Variants in OLFML2A observed in about 807,000 individuals in gnomAD.
The protein encoded by OLFML2A is olfactomedin-like protein 2A.
OLFML2A carries 47 observed loss-of-function variants against 60.9 expected under a neutral mutation model. The observed-to-expected ratio is 0.77, with a 90% CI of 0.61 to 0.98. The LOEUF (loss-of-function observed/expected upper bound fraction) is 0.98. OLFML2A is among the 50% of genes least tolerant of loss of function. The pLI is 0.00. For synonymous variants in OLFML2A, 372 were observed against 375.0 expected (o/e 0.99, Z 0.09); for missense variants, 922 against 879.8 (o/e 1.05, Z -0.61).
chr9:124,782,103 G>T (rs570475781), intron 1 of OLFML2A, among the ~76,000 whole-genome samples: 1 of 152,210 alleles, frequency 6.6e-6, no homozygotes, highest in South Asian at 2.1e-4. Flanking sequence ...GGTGGGCTGG[G>T]CCTAGTAGGA....
rs1384402175 is a variant in OLFML2A at position 124,811,829 on chromosome 9, C to A, written c.*1417C>A. Reference sequence around the variant, plus strand: ...ATTTTTAGAGCTGGAAAGAAATTTTCTAGCCCAACTCCCTGTTTCATGAAA... The same window carrying A: ...ATTTTTAGAGCTGGAAAGAAATTTTATAGCCCAACTCCCTGTTTCATGAAA... On this transcript the variant is annotated 3_prime_UTR_variant, in exon 8 of 8. Coordinates refer to ENST00000373580, the MANE Select transcript of OLFML2A (RefSeq NM_182487.4). The A allele has an allele frequency of 6.6e-6, 1 of 152,246 alleles. No homozygotes were observed. The highest frequency in any genetic ancestry group is 2.4e-5 in the African/African-American group (1 of 41,460). 9.4% of individuals were successfully genotyped at this position (152,246 alleles called of 1,614,324 possible).
chr9:124,800,844 A>G, intron 4 of OLFML2A: 2 of 1,421,324 alleles, frequency 1.4e-6, no homozygotes, highest in South Asian at 1.4e-5. Context: ...TAGGAAGTGA[A>G]AATAACAAAA....
At chr9:124,793,537 G>A (rs530786617) in intron 2 of OLFML2A, among the ~76,000 whole-genome samples, 4 of 152,298 alleles carry the variant, frequency 2.6e-5, no homozygotes, top group Middle Eastern at 3.4e-3. Flanking sequence ...GGAAAGAGAC[G>A]TGGATTTATA....
Position 124,810,369 on chromosome 9 carries a change from A to C in OLFML2A, c.1916A>C (p.Asp639Ala), listed in dbSNP as rs201325396. The C allele has an allele frequency of 7.5e-6, 12 of 1,601,456 alleles. No homozygotes were observed. Among genetic ancestry groups the C allele is most frequent in the Non-Finnish European group, 1.0e-5 (12 of 1,179,718 alleles). Reference sequence around the variant, plus strand: ...AAGGAGCGGGTGCTGTACGCCTGGGACAATGGCCACCAGCTCACCTACACC... The same window carrying C: ...AAGGAGCGGGTGCTGTACGCCTGGGCCAATGGCCACCAGCTCACCTACACC... The part of the protein sequence containing the change: ...NPKERVLYAW[D>A]NGHQLTYTLH... Residue 639 changes from aspartate to alanine, a missense_variant, in exon 8 of 8, where the codon GAC becomes GCC. Coordinates refer to ENST00000373580, the MANE Select transcript of OLFML2A (RefSeq NM_182487.4).
In OLFML2A at chr9:124,810,717, C is replaced by T. The variant is rs940387795; in HGVS notation, c.*305C>T. On this transcript the variant is annotated 3_prime_UTR_variant, in exon 8 of 8. Coordinates refer to ENST00000373580, the MANE Select transcript of OLFML2A (RefSeq NM_182487.4). Reference sequence around the variant, plus strand: ...GAGACAGGCTCAGAGAGGCACCGTCCCTTGCCTAACACCTCAGTTGTGATC... The same window carrying T: ...GAGACAGGCTCAGAGAGGCACCGTCTCTTGCCTAACACCTCAGTTGTGATC... 3.2e-5 allele frequency: 13 copies of T among 410,504 alleles called. No homozygotes were observed. The highest frequency in any genetic ancestry group is 4.9e-5 in the Non-Finnish European group (11 of 225,504). 25.4% of individuals were successfully genotyped at this position (410,504 alleles called of 1,614,324 possible).
At position 124,811,374 on chromosome 9, in the gene OLFML2A, T is replaced by A. The variant is rs1402461037; in HGVS notation, c.*962T>A. 1 of 152,844 alleles carries A rather than the reference T, an allele frequency of 6.5e-6. No homozygotes were observed. The highest frequency in any genetic ancestry group is 1.5e-5 in the Non-Finnish European group (1 of 68,174). The allele number at this position is 152,844 out of a possible 1,614,324, so 9.5% of individuals were successfully genotyped here. Reference sequence around the variant, plus strand: ...TGGAGTCCGCCTTGTCCTTTTTCTCTGGGCTTTCAAACCCACAACCTTTAC... The same window carrying A: ...TGGAGTCCGCCTTGTCCTTTTTCTCAGGGCTTTCAAACCCACAACCTTTAC... On this transcript the variant is annotated 3_prime_UTR_variant, in exon 8 of 8. Coordinates refer to ENST00000373580, the MANE Select transcript of OLFML2A (RefSeq NM_182487.4).
intron 1 of OLFML2A, among the ~76,000 whole-genome samples, chr9:124,780,072 G>C (rs1035011168): frequency 3.3e-5 from 5 of 152,332 alleles, no homozygotes; most frequent in African/African-American, 7.2e-5. Context: ...TTATAACTAG[G>C]TCTCTCCTAA....
chr9:124,804,100 C>CA lies in OLFML2A; in HGVS notation c.926_927insA (p.Leu310ProfsTer30). On this transcript the variant is annotated frameshift_variant, in exon 6 of 8. Transcript: ENST00000373580. LOFTEE classifies it high-confidence loss of function. The stretch of plus-strand genomic sequence containing the variant: ...AGGGGTCTTCTCTCTGCAGACAACA[C>CA]CCTCCAGGGCACTTCCTGGCTGGAG... The CA allele has an allele frequency of 6.2e-7, 1 of 1,614,024 alleles. No individual in the cohort carries two copies.
intron 7 of OLFML2A, among the ~76,000 whole-genome samples, chr9:124,809,401 G>T (rs1841958468): frequency 6.6e-6 from 1 of 151,984 alleles, no homozygotes; most frequent in African/African-American, 2.4e-5. Flanking sequence ...GTCAGTGAAG[G>T]TTTCCTAGAG....
At chr9:124,808,175 A>C (rs1588890901) in intron 7 of OLFML2A, among the ~76,000 whole-genome samples, 1 of 152,164 alleles carries the variant, frequency 6.6e-6, no homozygotes, top group African/African-American at 2.4e-5. Context: ...GTGTGCTAGC[A>C]CCCTGCCAGG....
At chr9:124,809,001 TAAA>T (rs112598711) in intron 7 of OLFML2A, among the ~76,000 whole-genome samples, 5,080 of 140,158 alleles carry the variant, frequency 0.036, 290 homozygotes, top group African/African-American at 0.13. Flanking sequence ...ACTAAAAAAT[TAAA>T]AAAAAAAAAA....
Position 124,811,828 on chromosome 9 carries a change from T to G in OLFML2A, c.*1416T>G, listed in dbSNP as rs1156433482. On this transcript the variant is annotated 3_prime_UTR_variant, in exon 8 of 8. Transcript: ENST00000373580. ...TATTTTTAGAGCTGGAAAGAAATTTTCTAGCCCAACTCCCTGTTTCATGAA... is the reference window on the plus strand; with the variant it reads ...TATTTTTAGAGCTGGAAAGAAATTTGCTAGCCCAACTCCCTGTTTCATGAA... 1.3e-5 allele frequency: 2 copies of G among 152,264 alleles called. No individual in the cohort carries two copies. Among genetic ancestry groups the G allele is most frequent in the Non-Finnish European group, 2.9e-5 (2 of 68,060 alleles). The allele number at this position is 152,264 out of a possible 1,614,324, so 9.4% of individuals were successfully genotyped here.
At position 124,812,754 on chromosome 9, in the gene OLFML2A, G is replaced by T. The variant is rs1842045128; in HGVS notation, c.*2342G>T. ...CCCAACCATGTGAGAAGAAGGAGAA[G>T]GCCCCCCTTTCTTCATTAATCTGAA... On this transcript the variant is annotated 3_prime_UTR_variant, in exon 8 of 8. Coordinates refer to ENST00000373580, the MANE Select transcript of OLFML2A (RefSeq NM_182487.4). 1 of 152,058 alleles carries T rather than the reference G, an allele frequency of 6.6e-6. No individual in the cohort carries two copies. The highest frequency in any genetic ancestry group is 1.5e-5 in the Non-Finnish European group (1 of 68,014). 9.4% of individuals were successfully genotyped at this position (152,058 alleles called of 1,614,324 possible).
Position 124,806,863 on chromosome 9 carries a change from C to T in OLFML2A, c.1169-918C>T, listed in dbSNP as rs549320083. Among the ~76,000 whole-genome samples, 92 of 152,238 alleles carry T rather than the reference C, an allele frequency of 6.0e-4. 1 individual carries two copies. Among genetic ancestry groups the T allele is most frequent in the African/African-American group, 2.1e-3 (89 of 41,560 alleles). The stretch of plus-strand genomic sequence containing the variant: ...GACCTTGTGATCCGCCCACCTCAGC[C>T]TCCCAAACTGCTGGGATTACAGGCA... On this transcript the variant is annotated intron_variant, in intron 6 of 7. Transcript: ENST00000373580.
rs567465340 is a variant in OLFML2A, at chr9:124,807,871, A to G, written c.1259A>G (p.Lys420Arg). The G allele has an allele frequency of 1.2e-6, 2 of 1,614,082 alleles. No individual in the cohort carries two copies. Among genetic ancestry groups the G allele is most frequent in the South Asian group, 2.2e-5 (2 of 91,078 alleles). The stretch of plus-strand genomic sequence containing the variant: ...GGGCGCCACGAGGGAGCCTGGATGA[A>G]GGACCCTGCAGCTCGAGACGACAGG... ...SYGRHEGAWM[K>R]DPAARDDRIY... Residue 420 changes from lysine (K) to arginine (R), a missense_variant, in exon 7 of 8, where the codon AAG becomes AGG. Transcript: ENST00000373580.
chr9:124,778,988 G>A (rs79927205), intron 1 of OLFML2A: 24,234 of 983,510 alleles, frequency 0.025, 362 homozygotes, highest in Non-Finnish European at 0.027. Flanking sequence ...CTAGCCACAC[G>A]GTGAGTATAT....
intron 5 of OLFML2A, among the ~76,000 whole-genome samples, chr9:124,803,740 C>T (rs1325883765): frequency 6.6e-6 from 1 of 152,230 alleles, no homozygotes; most frequent in Non-Finnish European, 1.5e-5. Context: ...AAAGGGATCT[C>T]CTTTTTGGTA....
chr9:124,799,783 G>T (rs547255040), intron 4 of OLFML2A, among the ~76,000 whole-genome samples: 1 of 152,296 alleles, frequency 6.6e-6, no homozygotes, highest in East Asian at 1.9e-4. Context: ...AACTAGTAGG[G>T]ACAAGCTTGT....
intron 2 of OLFML2A, among the ~76,000 whole-genome samples, chr9:124,788,390 G>A (rs1008979566): frequency 2.0e-5 from 3 of 151,798 alleles, no homozygotes; most frequent in Non-Finnish European, 2.9e-5. Flanking sequence ...GGTGGATCAC[G>A]AGGTCAGGAG....
Sources: gnomAD v4.1 joint callset for allele counts (sites outside exome capture counted in the v4.1 genomes callset) on GRCh38, gnomAD v4.1.1 for gene constraint, MANE v1.5 for transcripts, NCBI Gene and HGNC (gene_info 2026-07-23, HGNC 2026-07-21) for gene names.